The following TMEM223 variants were observed in gnomAD, a reference collection of about 807,000 sequenced individuals.
TMEM223 encodes the protein transmembrane protein 223.
Under a neutral mutation model 14.1 loss-of-function variants are expected in TMEM223, and 14 were observed. The observed-to-expected ratio is 0.99, with a 90% CI of 0.66 to 1.55. The LOEUF (loss-of-function observed/expected upper bound fraction) is 1.55. TMEM223 is among the 40% of genes most tolerant of loss of function. The pLI is 0.00. For missense variants in TMEM223, 346 were observed against 269.9 expected, an observed-to-expected ratio of 1.28 and a Z score of -1.97; for synonymous variants, 145 against 120.5, an observed-to-expected ratio of 1.20 and a Z score of -1.33.
Position 62,789,987 on chromosome 11 carries a change from T to C in TMEM223, c.*636A>G. On this transcript the variant is annotated 3_prime_UTR_variant, in exon 2 of 2. Coordinates refer to ENST00000307366, the MANE Select transcript of TMEM223 (RefSeq NM_001080501.3). The stretch of plus-strand genomic sequence containing the variant: ...CCCCATACCGGCCTCTGGAGAGGGG[T>C]GACCCTGAGTGGAGCTCTGAGACAG... 6.2e-7 allele frequency: 1 copy of C among 1,614,070 alleles called. No individual in the cohort carries two copies. The highest frequency in any genetic ancestry group is 8.5e-7 in the Non-Finnish European group (1 of 1,179,996).
downstream of TMEM223, among the ~76,000 whole-genome samples, chr11:62,785,508 G>A (rs1457620441): frequency 7.0e-6 from 1 of 142,498 alleles, no homozygotes. Flanking sequence ...TTCCTTATAG[G>A]CCCAGCTGGT....
At chr11:62,778,774 G>A (rs2084205280) in intron 1 of TMEM223, 2 of 1,023,980 alleles carry the variant, frequency 2.0e-6, no homozygotes, top group Admixed American at 1.7e-5. Flanking sequence ...TCTTGTGGAT[G>A]TGTGTGGGGA....
chr11:62,782,534 G>T, downstream of TMEM223: 2 of 1,153,228 alleles, frequency 1.7e-6, no homozygotes, highest in Non-Finnish European at 2.4e-6. Flanking sequence ...TGGTTCTTCA[G>T]CCCTCAGGTC....
chr11:62,791,747 T>G lies in TMEM223; in HGVS notation c.248A>C (p.Asn83Thr). 6.4e-7 allele frequency: 1 copy of G among 1,563,056 alleles called. No individual in the cohort carries two copies. The highest frequency in any genetic ancestry group is 8.7e-7 in the Non-Finnish European group (1 of 1,154,280). ...GGAGCGCAGGTCGAAGGGGCCACGATTTGGGACCTCCGCATCCAGAGGCTG... is the reference window on the plus strand; with the variant it reads ...GGAGCGCAGGTCGAAGGGGCCACGAGTTGGGACCTCCGCATCCAGAGGCTG... ...PVQPLDAEVP[N>T]RGPFDLRSAL... Residue 83 changes from asparagine to threonine, a missense_variant, in exon 1 of 2, where the codon AAT becomes ACT. Coordinates refer to ENST00000307366, the MANE Select transcript of TMEM223 (RefSeq NM_001080501.3).
Position 62,790,108 on chromosome 11 carries a change from C to G in TMEM223, c.*515G>C, listed in dbSNP as rs899850122. ...CATGCCCAAGTGCCTGTAATCCCCC[C>G]CCTCAAGGCCCTGTTTATGTTGGGA... is the stretch of plus-strand genomic sequence containing the variant. On this transcript the variant is annotated 3_prime_UTR_variant, in exon 2 of 2. Coordinates refer to ENST00000307366, the MANE Select transcript of TMEM223 (RefSeq NM_001080501.3). 29 of 1,490,926 alleles carry G rather than the reference C, an allele frequency of 1.9e-5. No individual in the cohort carries two copies. The highest frequency in any genetic ancestry group is 1.4e-4 in the African/African-American group (10 of 71,176). 92.4% of individuals were successfully genotyped at this position (1,490,926 alleles called of 1,614,324 possible).
intron 2 of TMEM223, among the ~76,000 whole-genome samples, chr11:62,773,901 A>C (rs1031878098): frequency 6.6e-6 from 1 of 152,124 alleles, no homozygotes; most frequent in Admixed American, 6.6e-5. Flanking sequence ...GGGAGGAGAG[A>C]GTTCCAAGTG....
chr11:62,791,755 C>T lies in TMEM223; in HGVS notation c.240G>A (p.Glu80=), dbSNP rs765088112. The part of the protein sequence containing the change: ...PPVPVQPLDA[E]VPNRGPFDLR... ...GGTCGAAGGGGCCACGATTTGGGAC[C>T]TCCGCATCCAGAGGCTGCACCGGAA... Residue 80 remains glutamate, a synonymous_variant, in exon 1 of 2, where the codon GAG becomes GAA. Coordinates refer to ENST00000307366, the MANE Select transcript of TMEM223 (RefSeq NM_001080501.3). The T allele has an allele frequency of 1.9e-6, 3 of 1,564,498 alleles. No individual in the cohort carries two copies. The highest frequency in any genetic ancestry group is 1.7e-6 in the Non-Finnish European group (2 of 1,155,076).
downstream of TMEM223, chr11:62,787,281 G>A (rs2134732910): frequency 1.9e-6 from 3 of 1,547,688 alleles, no homozygotes; most frequent in East Asian, 7.0e-5. Context: ...ACTACTCGCT[G>A]TACTTGCCGC....
At chr11:62,781,750 A>G in intron 1 of TMEM223, 1 of 731,076 alleles carries the variant, frequency 1.4e-6, no homozygotes, top group Non-Finnish European at 2.4e-6. Flanking sequence ...TTACATTTAT[A>G]GAAATAGAAT....
At chr11:62,782,382 G>A in intron 1 of TMEM223, 1 of 1,583,750 alleles carries the variant, frequency 6.3e-7, no homozygotes, top group South Asian at 1.1e-5. Context: ...AGAGCCAAGT[G>A]GGTTGGGGTA....
rs143855550 is a variant in TMEM223, at chr11:62,771,909, A to G, written c.*197T>C. The G allele has an allele frequency of 2.0e-3, 646 of 321,676 alleles. 4 individuals are homozygous for G. The highest frequency in any genetic ancestry group is 0.016 in the Middle Eastern group (22 of 1,356). 19.9% of individuals were successfully genotyped at this position (321,676 alleles called of 1,614,324 possible). On this transcript the variant is annotated 3_prime_UTR_variant, in exon 3 of 3. Transcript: ENST00000528367. ...GGAAACTGCAGCTTCACAACGATCTATTGGCGGGTCTAGGGTCACCAAGGG... is the reference window on the plus strand; with the variant it reads ...GGAAACTGCAGCTTCACAACGATCTGTTGGCGGGTCTAGGGTCACCAAGGG...
intron 1 of TMEM223, chr11:62,775,945 C>A (rs777509404): frequency 3.2e-6 from 5 of 1,582,336 alleles, no homozygotes; most frequent in Non-Finnish European, 4.3e-6. Flanking sequence ...ACTCCCCTCA[C>A]CCCCTGATAC....
downstream of TMEM223, chr11:62,786,249 CT>C (rs2084274064): frequency 6.2e-6 from 10 of 1,607,698 alleles, no homozygotes; most frequent in Non-Finnish European, 7.7e-6. Flanking sequence ...TATTCCTTCT[CT>C]TCCTTCCAGG....
intron 1 of TMEM223, among the ~76,000 whole-genome samples, chr11:62,781,396 G>T (rs1029188463): frequency 2.6e-5 from 4 of 151,934 alleles, no homozygotes; most frequent in Admixed American, 2.0e-4. Flanking sequence ...TTGGATGGCC[G>T]GGCGCGGTGG....
downstream of TMEM223, chr11:62,786,657 T>G: frequency 6.2e-7 from 1 of 1,610,946 alleles, no homozygotes. Context: ...CCGGGGGCGG[T>G]GCAGAACCCA....
downstream of TMEM223, chr11:62,786,687 G>A: frequency 1.2e-6 from 2 of 1,612,054 alleles, no homozygotes; most frequent in Non-Finnish European, 1.7e-6. Context: ...CCGGCCTCCC[G>A]CTGCCGCCAG....
In TMEM223 at chr11:62,774,909, AAT is replaced by A. The variant is rs1287422598; in HGVS notation, c.315-246_315-245del. On this transcript the variant is annotated intron_variant, in intron 1 of 2. Transcript: ENST00000528367. Reference sequence around the variant, plus strand: ...TCCGTCTCAAAAAAAAAAAAAAAAAAATTTAGCCATCCGGGCGTGGTGGCAGG... The same window carrying A: ...TCCGTCTCAAAAAAAAAAAAAAAAAATTAGCCATCCGGGCGTGGTGGCAGG... 8.2e-4 allele frequency among the ~76,000 whole-genome samples: 123 copies of A among 149,664 alleles called. 8 individuals carry two copies. The highest frequency in any genetic ancestry group is 2.4e-3 in the African/African-American group (100 of 40,918).
At chr11:62,779,296 G>A (rs1418257028) in intron 1 of TMEM223, among the ~76,000 whole-genome samples, 2 of 152,146 alleles carry the variant, frequency 1.3e-5, no homozygotes, top group Non-Finnish European at 2.9e-5. Flanking sequence ...CTGGGTTCAT[G>A]CCATTCTCCT....
chr11:62,787,276 T>C (rs1437948771), downstream of TMEM223: 7 of 1,553,576 alleles, frequency 4.5e-6, no homozygotes, highest in Admixed American at 1.3e-4. Flanking sequence ...CTCGGACTAC[T>C]CGCTGTACTT....
Sources: gnomAD v4.1 joint callset for allele counts (sites outside exome capture counted in the v4.1 genomes callset) on GRCh38, gnomAD v4.1.1 for gene constraint, MANE v1.5 for transcripts, NCBI Gene and HGNC (gene_info 2026-07-23, HGNC 2026-07-21) for gene names.